Variants in TXLNG observed in about 807,000 individuals in gnomAD.
TXLNG encodes gamma-taxilin.
TXLNG carries 5 observed loss-of-function variants against 38.8 expected under a neutral mutation model. The ratio of observed to expected loss-of-function variants is 0.13; its 90% CI spans 0.07 to 0.27. The LOEUF (loss-of-function observed/expected upper bound fraction) is 0.27. Ranked by LOEUF, TXLNG falls within the 10% of genes least tolerant of loss-of-function variation. TXLNG has a pLI of 1.00. For missense variants in TXLNG, 393 were observed against 398.2 expected, an observed-to-expected ratio of 0.99 and a Z score of 0.11; for synonymous variants, 182 against 158.2, an observed-to-expected ratio of 1.15 and a Z score of -1.13.
chrX:16,832,770 CATT>C, intron 6 of TXLNG, 28 bp downstream of exon 6: 1 of 1,163,640 alleles, frequency 8.6e-7, no homozygotes, highest in Non-Finnish European at 1.1e-6. Context: ...AAAACAAAGA[CATT>C]ATTGCCAACA....
intron 6 of TXLNG, among the ~76,000 whole-genome samples, chrX:16,833,697 G>A (rs1929495091): frequency 9.0e-6 from 1 of 111,492 alleles, no homozygotes; most frequent in East Asian, 2.8e-4. Context: ...GACTTTTCTA[G>A]GCTTCTTTGG....
intron 5 of TXLNG, among the ~76,000 whole-genome samples, chrX:16,832,337 G>T (rs890062278): frequency 8.9e-6 from 1 of 112,482 alleles, no homozygotes; most frequent in Non-Finnish European, 1.9e-5. Flanking sequence ...GCAGAAATAG[G>T]AAATACCAAG....
At chrX:16,797,281 C>CA (rs199860750) in intron 1 of TXLNG, among the ~76,000 whole-genome samples, 516 of 85,469 alleles carry the variant, frequency 6.0e-3, no homozygotes, top group African/African-American at 0.01. Flanking sequence ...AAGACTGTCT[C>CA]AAAAAAAAAA....
chrX:16,840,622 A>C, intron 9 of TXLNG: 2 of 173,565 alleles, frequency 1.2e-5, no homozygotes, highest in Non-Finnish European at 1.8e-5. Context: ...AAATACAAAA[A>C]TCAGCTGGGC....
At chrX:16,818,940 G>A in intron 2 of TXLNG, 63 bp downstream of exon 2, 1 of 1,101,074 alleles carries the variant, frequency 9.1e-7, no homozygotes, top group Non-Finnish European at 1.2e-6. Flanking sequence ...GTTTTCTGCA[G>A]CCCAGATAAT....
chrX:16,838,743 G>T (rs1211331799), intron 8 of TXLNG, among the ~76,000 whole-genome samples: 1 of 112,005 alleles, frequency 8.9e-6, no homozygotes, highest in Non-Finnish European at 1.9e-5. Flanking sequence ...GCACAGTGCA[G>T]GTGATAGCTG....
At chrX:16,802,138 G>A (rs1378936682) in intron 1 of TXLNG, among the ~76,000 whole-genome samples, 42 of 106,326 alleles carry the variant, frequency 4.0e-4, no homozygotes, top group African/African-American at 1.3e-3. Flanking sequence ...TGTGTTTTTA[G>A]TAGAGACAGG....
At chrX:16,829,080 C>T (rs1929279948) in intron 4 of TXLNG, among the ~76,000 whole-genome samples, 1 of 111,262 alleles carries the variant, frequency 9.0e-6, no homozygotes, top group Non-Finnish European at 1.9e-5. Context: ...GGTAACAGTT[C>T]AGACATGTAA....
chrX:16,828,026 T>C, intron 3 of TXLNG, 68 bp from the exon 4 acceptor site: 4 of 1,024,672 alleles, frequency 3.9e-6, no homozygotes, highest in Non-Finnish European at 5.2e-6. Flanking sequence ...TAGCTCTCAT[T>C]ATAATTCTAG....
Position 16,818,777 on chromosome X carries a change from G to A in TXLNG, c.306G>A (p.Thr102=), listed in dbSNP as rs752232820. ...ATTTGGTGAGCCCAGCATACTGCAC[G>A]CAAGAATCAAGAGAGGAAATCCCTG... ...NRNLVSPAYC[T]QESREEIPGG... Residue 102 remains threonine, a synonymous_variant, in exon 2 of 10, where the codon ACG becomes ACA. Transcript: ENST00000380122. 1.2e-5 allele frequency: 14 copies of A among 1,210,403 alleles called. No individual in the cohort carries two copies. Among genetic ancestry groups the A allele is most frequent in the Admixed American group, 4.4e-5 (2 of 45,721 alleles).
Position 16,832,212 on chromosome X carries a change from T to A in TXLNG, c.865-411T>A, listed in dbSNP as rs138054219. On this transcript the variant is annotated intron_variant, in intron 5 of 9. Coordinates refer to ENST00000380122, the MANE Select transcript of TXLNG (RefSeq NM_018360.3). ...ACCATGCTGCCTCCAGCTAAGGAAT[T>A]TGGGAAAATATGGGGAGGGAAAAAA... 7.9e-3 allele frequency among the ~76,000 whole-genome samples: 885 copies of A among 112,054 alleles called. 12 individuals are homozygous for A. Among genetic ancestry groups the A allele is most frequent in the African/African-American group, 0.028 (859 of 30,838 alleles).
At chrX:16,803,849 G>C (rs112305042) in intron 1 of TXLNG, among the ~76,000 whole-genome samples, 232 of 109,787 alleles carry the variant, frequency 2.1e-3, no homozygotes, top group Non-Finnish European at 3.8e-3. Context: ...CTACTCGGAG[G>C]TCTGAGGCAG....
chrX:16,830,347 T>C (rs1455856997), intron 5 of TXLNG, among the ~76,000 whole-genome samples: 1 of 107,519 alleles, frequency 9.3e-6, no homozygotes, highest in African/African-American at 3.4e-5. Flanking sequence ...TTTGGAATTA[T>C]TTTATAAGCT....
Position 16,797,548 on chromosome X carries a change from C to T in TXLNG, c.102+10959C>T, listed in dbSNP as rs191890500. Among the ~76,000 whole-genome samples the T allele has an allele frequency of 3.6e-5, 4 of 112,402 alleles. No individual in the cohort carries two copies. In the East Asian group the frequency reaches 1.1e-3, roughly 31 times the overall value. On this transcript the variant is annotated intron_variant, in intron 1 of 9. Transcript: ENST00000380122. ...CTCGTGGGCTGTTGGACTGAGGCCT[C>T]AGTTCCTCATGAGCAGTTGGCCGGA...
Position 16,843,789 on chromosome X carries a change from T to C in TXLNG, c.*2023T>C, listed in dbSNP as rs1434351984. 1 of 111,901 alleles carries C rather than the reference T, an allele frequency of 8.9e-6. No individual in the cohort carries two copies. The highest frequency in any genetic ancestry group is 9.5e-5 in the Admixed American group (1 of 10,521). 9.2% of individuals were successfully genotyped at this position (111,901 alleles called of 1,213,427 possible). A position where few individuals can be genotyped will look rare whatever the true frequency, so the allele number is the denominator to read the frequency against. Reference sequence around the variant, plus strand: ...CTTGGCCTGCTGCTTTTGGCTTACTTTGTATTTTTAGCTAGATGCTATTAT... The same window carrying C: ...CTTGGCCTGCTGCTTTTGGCTTACTCTGTATTTTTAGCTAGATGCTATTAT... On this transcript the variant is annotated 3_prime_UTR_variant, in exon 10 of 10. Coordinates refer to ENST00000380122, the MANE Select transcript of TXLNG (RefSeq NM_018360.3).
rs1927489609 is a variant in TXLNG at position 16,786,547 on chromosome X, T to G, written c.60T>G (p.Thr20=). 9.1e-7 allele frequency: 1 copy of G among 1,095,565 alleles called. No individual in the cohort carries two copies. The highest frequency in any genetic ancestry group is 3.8e-5 in the East Asian group (1 of 26,176). The allele number at this position is 1,095,565 out of a possible 1,213,427, so 90.3% of individuals were successfully genotyped here. A position where few individuals can be genotyped will look rare whatever the true frequency, so the allele number is the denominator to read the frequency against. ...RGRGGGAEEA[T]EAGRGGRRRS... Reference sequence around the variant, plus strand: ...GAGGCGGCGGCGCCGAAGAGGCGACTGAGGCCGGACGGGGCGGACGGCGAC... The same window carrying G: ...GAGGCGGCGGCGCCGAAGAGGCGACGGAGGCCGGACGGGGCGGACGGCGAC... The change falls in exon 1 of 10, where the codon ACT becomes ACG. Residue 20 remains threonine, a synonymous_variant. Transcript: ENST00000380122.
chrX:16,832,235 AAAGG>A (rs1298166345), intron 5 of TXLNG, among the ~76,000 whole-genome samples: 2 of 112,215 alleles, frequency 1.8e-5, no homozygotes, highest in Non-Finnish European at 3.8e-5. Context: ...GGGAGGGAAA[AAAGG>A]AACTGTGTGC....
intron 1 of TXLNG, among the ~76,000 whole-genome samples, chrX:16,810,174 C>CT (rs1220084409): frequency 8.9e-6 from 1 of 111,785 alleles, no homozygotes; most frequent in East Asian, 2.8e-4. Context: ...TAGGAAAGTT[C>CT]TTACAGTAGT....
At chrX:16,795,485 C>T (rs1205058175) in intron 1 of TXLNG, among the ~76,000 whole-genome samples, 3 of 111,899 alleles carry the variant, frequency 2.7e-5, no homozygotes, top group Middle Eastern at 4.7e-3. Flanking sequence ...AGACCTTTCC[C>T]GGATCCTTTT....
Sources: gnomAD v4.1 joint callset for allele counts (sites outside exome capture counted in the v4.1 genomes callset) on GRCh38, gnomAD v4.1.1 for gene constraint, MANE v1.5 for transcripts, NCBI Gene and HGNC (gene_info 2026-07-23, HGNC 2026-07-21) for gene names.